BMP8B: variants seen among roughly 807,000 people sequenced by gnomAD.
The protein encoded by BMP8B is bone morphogenetic protein 8 (osteogenic protein 2).
BMP8B carries 17 observed loss-of-function variants against 30.3 expected under a neutral mutation model. The ratio of observed to expected loss-of-function variants is 0.56; its 90% CI spans 0.38 to 0.84. The LOEUF (loss-of-function observed/expected upper bound fraction) is 0.84, where lower values mean the gene tolerates loss of function less well. Among genes scored for constraint, BMP8B ranks in the 40% least tolerant of loss-of-function variants. BMP8B has a pLI of 0.00. For missense variants in BMP8B, 253 were observed against 494.6 expected (o/e 0.51, Z 4.63); for synonymous variants, 131 against 214.7 (o/e 0.61, Z 3.41).
chr1:39,782,540 T>C (rs1331952124), intron 1 of BMP8B, among the ~76,000 whole-genome samples: 3 of 152,244 alleles, frequency 2.0e-5, no homozygotes, highest in East Asian at 1.9e-4. Flanking sequence ...CGATCTCGGC[T>C]CACTGCAACC....
chr1:39,783,411 G>T (rs938473045), intron 1 of BMP8B, among the ~76,000 whole-genome samples: 6 of 152,192 alleles, frequency 3.9e-5, no homozygotes, highest in African/African-American at 1.4e-4. Context: ...CAGTCACTAG[G>T]GATGGAAAGG....
rs750842978 is a variant in BMP8B at position 39,763,719 on chromosome 1, C to T, written c.941G>A (p.Gly314Asp). 6.2e-7 allele frequency: 1 copy of T among 1,600,440 alleles called. No homozygotes were observed. The highest frequency in any genetic ancestry group is 1.1e-5 in the South Asian group (1 of 90,324). ...AGAAGAGTCAGCAATTACCAGCCAG[C>T]CGAGGTCCTGGAAGCTGACGTAGAG... ...HELYVSFQDL[G>D]WLDWVIAPQG... The change falls in exon 5 of 7, where the codon GGC becomes GAC. Residue 314 changes from glycine (G) to aspartate (D), a missense_variant. Gly to Asp is a moderately conservative substitution (Grantham distance 94). This residue lies in a region of BMP8B where 116 missense variants were observed against 142.3 expected (regional missense o/e 0.81). Transcript: ENST00000372827.
intron 1 of BMP8B, among the ~76,000 whole-genome samples, chr1:39,780,911 C>T (rs569560468): frequency 1.3e-5 from 2 of 152,258 alleles, no homozygotes; most frequent in Non-Finnish European, 2.9e-5. Context: ...GGGAGCCATG[C>T]CTCCTCTCCT....
intron 1 of BMP8B, among the ~76,000 whole-genome samples, chr1:39,782,277 G>A (rs1176643764): frequency 6.6e-6 from 1 of 152,118 alleles, no homozygotes; most frequent in Admixed American, 6.5e-5. Flanking sequence ...GCCCCCCACA[G>A]CATCCACTAC....
intron 1 of BMP8B, among the ~76,000 whole-genome samples, chr1:39,776,610 C>A (rs1020599974): frequency 6.6e-6 from 1 of 152,114 alleles, no homozygotes; most frequent in Non-Finnish European, 1.5e-5. Flanking sequence ...CGTGTGTGGG[C>A]AGGAGGAGGT....
chr1:39,779,667 T>C (rs1443184302), intron 1 of BMP8B, among the ~76,000 whole-genome samples: 4 of 151,852 alleles, frequency 2.6e-5, no homozygotes, highest in Admixed American at 6.6e-5. Context: ...AACTGAAGAG[T>C]CACCCAGGGA....
chr1:39,787,759 C>T (rs1309543705), intron 1 of BMP8B, among the ~76,000 whole-genome samples: 1 of 152,208 alleles, frequency 6.6e-6, no homozygotes, highest in African/African-American at 2.4e-5. Flanking sequence ...CCACGCTGAA[C>T]TTTGTCCCTC....
chr1:39,763,447 G>A (rs1289297156), intron 5 of BMP8B, among the ~76,000 whole-genome samples: 1 of 128,592 alleles, frequency 7.8e-6, no homozygotes, highest in Non-Finnish European at 1.8e-5. Context: ...AGCCAATGCA[G>A]GGAGGTCTCA....
chr1:39,763,761 A>G lies in BMP8B; in HGVS notation c.899T>C (p.Val300Ala). The G allele has an allele frequency of 6.2e-7, 1 of 1,604,386 alleles. No individual in the cohort carries two copies. The highest frequency in any genetic ancestry group is 8.5e-7 in the Non-Finnish European group (1 of 1,175,160). Residue 300 changes from valine (V) to alanine (A), a missense_variant, in exon 5 of 7, where the codon GTC becomes GCC. Physicochemically the swap from Val to Ala is moderately conservative, Grantham distance 64 (BLOSUM62 0). This residue lies in a region of BMP8B where 116 missense variants were observed against 142.3 expected (regional missense o/e 0.81). Transcript: ENST00000372827. Reference sequence around the variant, plus strand: ...GACGTAGAGCTCGTGCCGACGGCAGACCTGCCGGCCGTGGGAGCCGTGGAC... The same window carrying G: ...GACGTAGAGCTCGTGCCGACGGCAGGCCTGCCGGCCGTGGGAGCCGTGGAC... ...DDVHGSHGRQ[V>A]CRRHELYVSF...
At chr1:39,783,998 C>T (rs1650821508) in intron 1 of BMP8B, among the ~76,000 whole-genome samples, 1 of 152,350 alleles carries the variant, frequency 6.6e-6, no homozygotes, top group Admixed American at 6.5e-5. Context: ...GCACACACTG[C>T]ATTTAACGGT....
Position 39,758,708 on chromosome 1 carries a change from G to A in BMP8B, c.*1711C>T, listed in dbSNP as rs371856001. ...GCGCAGATAAGGAAGCCACCTACAAGGCAGGTCTCTTCACCTCCAGGCCAG... is the reference window on the plus strand; with the variant it reads ...GCGCAGATAAGGAAGCCACCTACAAAGCAGGTCTCTTCACCTCCAGGCCAG... On this transcript the variant is annotated 3_prime_UTR_variant, in exon 7 of 7. Coordinates refer to ENST00000372827, the MANE Select transcript of BMP8B (RefSeq NM_001720.5). 9 of 152,430 alleles carry A rather than the reference G, an allele frequency of 5.9e-5. No homozygotes were observed. The East Asian group carries it at 1.7e-3, about 29-fold the overall frequency. The allele number at this position is 152,430 out of a possible 1,614,324, so 9.4% of individuals were successfully genotyped here. A position where few individuals can be genotyped will look rare whatever the true frequency, so the allele number is the denominator to read the frequency against.
rs1648662086 is a variant in BMP8B, at chr1:39,759,515, G to C, written c.*904C>G. The C allele has an allele frequency of 6.6e-6, 1 of 152,272 alleles. No individual in the cohort carries two copies. Among genetic ancestry groups the C allele is most frequent in the Admixed American group, 6.5e-5 (1 of 15,292 alleles). The allele number at this position is 152,272 out of a possible 1,614,324, so 9.4% of individuals were successfully genotyped here. A position where few individuals can be genotyped will look rare whatever the true frequency, so the allele number is the denominator to read the frequency against. ...TCAGATTTGGAAGAAAAACATTCCA[G>C]ATTGATTACTGATGTCTGCCATTCA... On this transcript the variant is annotated 3_prime_UTR_variant, in exon 7 of 7. Coordinates refer to ENST00000372827, the MANE Select transcript of BMP8B (RefSeq NM_001720.5).
rs545706052 is a variant in BMP8B, at chr1:39,762,415, G to A, written c.1059+677C>T. 76 of 1,412,686 alleles carry A rather than the reference G, an allele frequency of 5.4e-5. 1 individual carries two copies. In the Admixed American group the frequency reaches 1.5e-3, roughly 29 times the overall value. 87.5% of individuals were successfully genotyped at this position (1,412,686 alleles called of 1,614,324 possible). On this transcript the variant is annotated intron_variant, in intron 6 of 6. Coordinates refer to ENST00000372827, the MANE Select transcript of BMP8B (RefSeq NM_001720.5). The stretch of plus-strand genomic sequence containing the variant: ...CAGGAACTGGGATTCTAGGTAAAAA[G>A]TTCTAGAAGGAAGCCTCGGTGCCAG...
chr1:39,778,857 G>T (rs1650417362), intron 1 of BMP8B, among the ~76,000 whole-genome samples: 3 of 152,212 alleles, frequency 2.0e-5, no homozygotes, highest in South Asian at 2.1e-4. Context: ...CCGGGAGGAG[G>T]GGGGCTGGGT....
intron 3 of BMP8B, among the ~76,000 whole-genome samples, chr1:39,766,927 C>A (rs796575029): frequency 0.042 from 6,233 of 146,794 alleles, 1 homozygote; most frequent in African/African-American, 0.15. Context: ...ACTGGCTGAC[C>A]CATGGGGACA....
At chr1:39,782,711 G>A (rs922163662) in intron 1 of BMP8B, among the ~76,000 whole-genome samples, 2 of 151,912 alleles carry the variant, frequency 1.3e-5, no homozygotes, top group East Asian at 3.9e-4. Flanking sequence ...CAGGTGATCC[G>A]CCCCCGCTTG....
At position 39,788,203 on chromosome 1, in the gene BMP8B, CG is replaced by C. The variant is rs1651136348; in HGVS notation, c.282del (p.Ala95ArgfsTer12). The C allele has an allele frequency of 6.4e-7, 1 of 1,573,742 alleles. No homozygotes were observed. Among genetic ancestry groups the C allele is most frequent in the Admixed American group, 1.7e-5 (1 of 57,454 alleles). ...TCGGCGCGGCCCAGGCGCCGCTCCG[CG>C]GGCGCGCCGTCCTCGTCGTCGTCGC... ...MAGDDDEDGA[P>X]AERRLGRADL... On this transcript the variant is annotated frameshift_variant, in exon 1 of 7. Transcript: ENST00000372827. LOFTEE classifies it high-confidence loss of function. This position sits in a 1 kb window ranked among gnomAD's most constrained non-coding sequence, Gnocchi z 5.8.
intron 6 of BMP8B, chr1:39,762,495 A>T: frequency 6.5e-7 from 1 of 1,545,616 alleles, no homozygotes; most frequent in Non-Finnish European, 8.7e-7. Flanking sequence ...ATCCCATCAG[A>T]AACCTGCTTT....
intron 1 of BMP8B, among the ~76,000 whole-genome samples, chr1:39,777,072 C>G (rs1014317431): frequency 6.6e-6 from 1 of 152,202 alleles, no homozygotes; most frequent in African/African-American, 2.4e-5. Context: ...CATGAACATT[C>G]TCTCAGGCGT....
Sources: gnomAD v4.1 joint callset for allele counts (sites outside exome capture counted in the v4.1 genomes callset) on GRCh38, gnomAD v4.1.1 for gene constraint, gnomAD v4.1.1 regional missense constraint, Gnocchi (gnomAD v3.1) non-coding constraint, MANE v1.5 for transcripts, NCBI Gene and HGNC (gene_info 2026-07-23, HGNC 2026-07-21) for gene names.